SLC16A10: variants seen among roughly 807,000 people sequenced by gnomAD.
SLC16A10 encodes the protein monocarboxylate transporter 10.
A neutral mutation model predicts 40.0 loss-of-function variants in SLC16A10; 27 were observed. The observed-to-expected ratio is 0.67, with a 90% CI of 0.50 to 0.93. The LOEUF is 0.93. Among genes scored for constraint, SLC16A10 ranks in the 40% least tolerant of loss-of-function variants. The probability of loss-of-function intolerance (pLI) is 0.00; values close to 1 mark genes in which losing one functional copy is unlikely to be tolerated. For synonymous variants in SLC16A10, 213 were observed against 249.8 expected, an observed-to-expected ratio of 0.85 and a Z score of 1.39; for missense variants, 529 against 658.2, an observed-to-expected ratio of 0.80 and a Z score of 2.15.
In SLC16A10 at chr6:111,087,750, G is replaced by GC; in HGVS notation, c.-1dup. On this transcript the variant is annotated 5_prime_UTR_variant, in exon 1 of 6. Transcript: ENST00000368851. Reference sequence around the variant, plus strand: ...CCGGCGCCTGAGGGGCCCGCCTCGGGCCATGGTGCTCTCCCAGGAGGAGCC... The same window carrying GC: ...CCGGCGCCTGAGGGGCCCGCCTCGGGCCCATGGTGCTCTCCCAGGAGGAGCC... The GC allele has an allele frequency of 2.5e-6, 3 of 1,210,956 alleles. No individual in the cohort carries two copies. 75.0% of individuals were successfully genotyped at this position (1,210,956 alleles called of 1,614,324 possible).
intron 4 of SLC16A10, among the ~76,000 whole-genome samples, chr6:111,208,002 T>A (rs1583363213): frequency 6.6e-6 from 1 of 152,076 alleles, no homozygotes. Flanking sequence ...AAGGTGTCAC[T>A]CCGTTTCCCA....
intron 1 of SLC16A10, among the ~76,000 whole-genome samples, chr6:111,118,233 A>G (rs775220646): frequency 6.6e-6 from 1 of 152,236 alleles, no homozygotes; most frequent in Non-Finnish European, 1.5e-5. Flanking sequence ...CTTGTTGACA[A>G]TCTACCCTAA....
At chr6:111,216,570 C>CT (rs55837060) in intron 4 of SLC16A10, among the ~76,000 whole-genome samples, 8 of 133,560 alleles carry the variant, frequency 6.0e-5, no homozygotes, top group African/African-American at 1.7e-4. Context: ...GCCCGGCTAA[C>CT]TTTTTTTTTT....
At chr6:111,105,108 A>G (rs898102912) in intron 1 of SLC16A10, among the ~76,000 whole-genome samples, 2 of 151,896 alleles carry the variant, frequency 1.3e-5, no homozygotes, top group African/African-American at 4.8e-5. Context: ...TCCTCCTTTC[A>G]TTTGTGATGT....
At chr6:111,212,487 A>C (rs539225311) in intron 4 of SLC16A10, among the ~76,000 whole-genome samples, 7 of 152,226 alleles carry the variant, frequency 4.6e-5, no homozygotes, top group African/African-American at 1.7e-4. Flanking sequence ...GGTGTTTTCA[A>C]CCTAATAATT....
chr6:111,105,865 A>G (rs553757720), intron 1 of SLC16A10, among the ~76,000 whole-genome samples: 37 of 152,342 alleles, frequency 2.4e-4, no homozygotes, highest in Admixed American at 9.8e-4. Context: ...AGGAAGAACC[A>G]GTAACAGCAG....
intron 1 of SLC16A10, among the ~76,000 whole-genome samples, chr6:111,124,367 T>C (rs1475708853): frequency 6.6e-6 from 1 of 151,898 alleles, no homozygotes; most frequent in African/African-American, 2.4e-5. Context: ...TTTTTTTTTT[T>C]TTTTAAGAGA....
chr6:111,177,567 A>T lies in SLC16A10; in HGVS notation c.844A>T (p.Ile282Phe), dbSNP rs752699490. 5.6e-6 allele frequency: 9 copies of T among 1,612,392 alleles called. No homozygotes were observed. Among genetic ancestry groups the T allele is most frequent in the African/African-American group, 2.7e-5 (2 of 74,844 alleles). The change falls in exon 3 of 6, where the codon ATT (isoleucine) becomes TTT (phenylalanine). Residue 282 changes from isoleucine (I) to phenylalanine (F), a missense_variant. By Grantham distance (21) the Ile-to-Phe change is conservative. Transcript: ENST00000368851. Reference sequence around the variant, plus strand: ...GAAAAAGTTCAGTCCTCCAAAAAAAATTTTCAATTTTGCCATCTTCAAGGT... The same window carrying T: ...GAAAAAGTTCAGTCCTCCAAAAAAATTTTTCAATTTTGCCATCTTCAAGGT... ...SRKKFSPPKK[I>F]FNFAIFKVTA...
rs570590062 is a variant in SLC16A10, at chr6:111,105,529, C to A, written c.343+17434C>A. Among the ~76,000 whole-genome samples, 4 of 152,226 alleles carry A rather than the reference C, an allele frequency of 2.6e-5. No individual in the cohort carries two copies. The East Asian group carries it at 7.7e-4, about 29-fold the overall frequency. ...TGAGGTTTGTTAGGGGAGGAGGTGTCATCTTTATGGCACTTTCTGGCTGGG... is the reference window on the plus strand; with the variant it reads ...TGAGGTTTGTTAGGGGAGGAGGTGTAATCTTTATGGCACTTTCTGGCTGGG... On this transcript the variant is annotated intron_variant, in intron 1 of 5. Coordinates refer to ENST00000368851, the MANE Select transcript of SLC16A10 (RefSeq NM_018593.5).
chr6:111,223,626 G>A lies in SLC16A10; in HGVS notation c.*1391G>A, dbSNP rs1770941640. 6.6e-6 allele frequency: 1 copy of A among 152,074 alleles called. No individual in the cohort carries two copies. The highest frequency in any genetic ancestry group is 6.6e-5 in the Admixed American group (1 of 15,256). The allele number at this position is 152,074 out of a possible 1,614,324, so 9.4% of individuals were successfully genotyped here. ...GGACTTAGATAATTTGCCTGTGGATGGTTCTTTTGCAGGAAAAAAAATCTA... is the reference window on the plus strand; with the variant it reads ...GGACTTAGATAATTTGCCTGTGGATAGTTCTTTTGCAGGAAAAAAAATCTA... On this transcript the variant is annotated 3_prime_UTR_variant, in exon 6 of 6. Coordinates refer to ENST00000368851, the MANE Select transcript of SLC16A10 (RefSeq NM_018593.5).
intron 1 of SLC16A10, among the ~76,000 whole-genome samples, chr6:111,151,235 T>C (rs1247485882): frequency 1.3e-5 from 2 of 152,228 alleles, no homozygotes; most frequent in Non-Finnish European, 2.9e-5. Flanking sequence ...ATTTGCTTTA[T>C]ATTCAGGCAT....
intron 1 of SLC16A10, among the ~76,000 whole-genome samples, chr6:111,088,539 G>C (rs1402715863): frequency 6.6e-6 from 1 of 152,096 alleles, no homozygotes; most frequent in Non-Finnish European, 1.5e-5. Flanking sequence ...AGGGGTGTGC[G>C]TATGTTGGCG....
intron 1 of SLC16A10, among the ~76,000 whole-genome samples, chr6:111,160,779 TTC>T (rs367698299): frequency 4.6e-5 from 7 of 151,482 alleles, no homozygotes; most frequent in Non-Finnish European, 5.9e-5. Context: ...CAGGTGGTTT[TTC>T]TCTCTCTCTC....
At chr6:111,157,035 C>A (rs1772282736) in intron 1 of SLC16A10, among the ~76,000 whole-genome samples, 1 of 152,172 alleles carries the variant, frequency 6.6e-6, no homozygotes, top group African/African-American at 2.4e-5. Context: ...TCTCCTGCCT[C>A]AGCCTCCTAA....
chr6:111,138,361 C>T (rs62421924), intron 1 of SLC16A10, among the ~76,000 whole-genome samples: 17,486 of 152,236 alleles, frequency 0.11, 1,098 homozygotes, highest in Non-Finnish European at 0.15. Flanking sequence ...TTGTCTTATT[C>T]ATCATGATGA....
chr6:111,175,455 A>G (rs1772662350), intron 2 of SLC16A10, among the ~76,000 whole-genome samples: 1 of 152,218 alleles, frequency 6.6e-6, no homozygotes, highest in Non-Finnish European at 1.5e-5. Flanking sequence ...TGTGAACAGT[A>G]TTTTTAATAT....
intron 1 of SLC16A10, among the ~76,000 whole-genome samples, chr6:111,097,859 T>C (rs1771101765): frequency 6.6e-6 from 1 of 152,174 alleles, no homozygotes; most frequent in Admixed American, 6.5e-5. Flanking sequence ...TAGTTAAGTC[T>C]AAATGAAAGG....
At chr6:111,178,452 G>C (rs1429451836) in intron 3 of SLC16A10, 1 of 531,126 alleles carries the variant, frequency 1.9e-6, no homozygotes, top group Middle Eastern at 5.4e-4. Flanking sequence ...TGTCTAGACT[G>C]GGGTTGGTGC....
chr6:111,113,030 G>T (rs1333589090), intron 1 of SLC16A10, among the ~76,000 whole-genome samples: 1 of 151,918 alleles, frequency 6.6e-6, no homozygotes, highest in Non-Finnish European at 1.5e-5. Context: ...TGATTTGGGG[G>T]TCATTTTGTT....
Sources: allele counts gnomAD v4.1 joint callset (sites outside exome capture counted in the v4.1 genomes callset), GRCh38; gene constraint gnomAD v4.1.1; transcripts MANE v1.5; gene names NCBI Gene and HGNC (gene_info 2026-07-23, HGNC 2026-07-21).